CENPW: variants seen among roughly 807,000 people sequenced by gnomAD.
CENPW encodes cancer-up-regulated gene 2 protein.
Under a neutral mutation model 11.1 loss-of-function variants are expected in CENPW, and 3 were observed. That is an observed-to-expected ratio of 0.27 (90% confidence interval 0.12 to 0.70). CENPW has a LOEUF of 0.70. CENPW is among the 30% of genes least tolerant of loss of function. CENPW has a pLI of 0.77. For missense variants in CENPW, 100 were observed against 105.6 expected (o/e 0.95, Z 0.23); for synonymous variants, 38 against 42.0 (o/e 0.91, Z 0.37).
At chr6:126,369,551 T>C in the CENPW span, among the ~76,000 whole-genome samples, 3 of 152,222 alleles carry the variant, frequency 2.0e-5, no homozygotes, top group Non-Finnish European at 4.4e-5. Context: ...CATTGTTTCA[T>C]ATGTTTGTTG....
At chr6:126,373,115 G>A in the CENPW span, among the ~76,000 whole-genome samples, 86 of 152,184 alleles carry the variant, frequency 5.7e-4, no homozygotes, top group Admixed American at 4.3e-3. Flanking sequence ...GCATAATAAT[G>A]TTTCAGATTC....
chr6:126,420,059 G>T, the CENPW span, among the ~76,000 whole-genome samples: 1 of 152,154 alleles, frequency 6.6e-6, no homozygotes, highest in Non-Finnish European at 1.5e-5. Flanking sequence ...CATTGTTGAT[G>T]CCATAAAGAA....
chr6:126,391,958 T>A, the CENPW span, among the ~76,000 whole-genome samples: 1 of 151,992 alleles, frequency 6.6e-6, no homozygotes, highest in Non-Finnish European at 1.5e-5. Context: ...ATTCTAGGTC[T>A]TTTTGTGATT....
chr6:126,342,172 C>G (rs1780325973), intron 1 of CENPW, among the ~76,000 whole-genome samples: 1 of 152,080 alleles, frequency 6.6e-6, no homozygotes. Flanking sequence ...TAAACTACAC[C>G]TGAAAGTTAT....
intron 1 of CENPW, among the ~76,000 whole-genome samples, chr6:126,345,422 C>G (rs1388473001): frequency 4.0e-5 from 6 of 151,834 alleles, no homozygotes; most frequent in African/African-American, 1.5e-4. Context: ...GTTTACTACC[C>G]TTTTGTAAAC....
chr6:126,461,616 A>C, the CENPW span, among the ~76,000 whole-genome samples: 2 of 151,874 alleles, frequency 1.3e-5, no homozygotes, highest in Non-Finnish European at 2.9e-5. Context: ...TTAGCTAAAA[A>C]TTTTGATATG....
the CENPW span, among the ~76,000 whole-genome samples, chr6:126,400,054 G>GT: frequency 6.6e-6 from 1 of 151,894 alleles, no homozygotes; most frequent in Non-Finnish European, 1.5e-5. Context: ...AAATAAAACT[G>GT]TTATGAACAT....
At chr6:126,437,937 C>T in the CENPW span, among the ~76,000 whole-genome samples, 2 of 151,294 alleles carry the variant, frequency 1.3e-5, no homozygotes, top group Non-Finnish European at 3.0e-5. Flanking sequence ...GTATAGACTC[C>T]GTAAATAAAA....
At chr6:126,365,289 C>CTA in the CENPW span, among the ~76,000 whole-genome samples, 1 of 152,162 alleles carries the variant, frequency 6.6e-6, no homozygotes, top group Non-Finnish European at 1.5e-5. Flanking sequence ...TCTGTTGTCA[C>CTA]ATTACTGTAA....
the CENPW span, among the ~76,000 whole-genome samples, chr6:126,384,811 T>C: frequency 6.6e-6 from 1 of 152,000 alleles, no homozygotes; most frequent in Non-Finnish European, 1.5e-5. Context: ...CCAAAGAAAC[T>C]ATCAATAGAG....
chr6:126,466,318 A>G, the CENPW span, among the ~76,000 whole-genome samples: 1 of 152,144 alleles, frequency 6.6e-6, no homozygotes, highest in Admixed American at 6.6e-5. Flanking sequence ...ATAAAACTGA[A>G]GGCAAAGGAA....
the CENPW span, among the ~76,000 whole-genome samples, chr6:126,472,056 A>T: frequency 3.9e-5 from 6 of 152,220 alleles, no homozygotes; most frequent in Non-Finnish European, 7.3e-5. Flanking sequence ...AGATAATATG[A>T]TGAAACCTGT....
the CENPW span, among the ~76,000 whole-genome samples, chr6:126,415,732 C>T: frequency 1.4e-4 from 22 of 152,248 alleles, no homozygotes; most frequent in Non-Finnish European, 2.4e-4. Context: ...TCCCTGCATA[C>T]GCTCTATTCT....
At chr6:126,363,947 C>A in the CENPW span, among the ~76,000 whole-genome samples, 4 of 152,098 alleles carry the variant, frequency 2.6e-5, no homozygotes, top group Non-Finnish European at 5.9e-5. Flanking sequence ...CCAAAGGGGA[C>A]CTTCTCAAAT....
At chr6:126,432,086 A>AT in the CENPW span, among the ~76,000 whole-genome samples, 1 of 151,572 alleles carries the variant, frequency 6.6e-6, no homozygotes, top group Non-Finnish European at 1.5e-5. Context: ...AAAAAAAAAA[A>AT]AAAAAGAGGG....
the CENPW span, among the ~76,000 whole-genome samples, chr6:126,445,337 G>T: frequency 1.3e-5 from 2 of 151,022 alleles, no homozygotes; most frequent in African/African-American, 2.4e-5. Context: ...ATAAAATTTT[G>T]TTTTGTCATT....
chr6:126,357,364 A>G, the CENPW span, among the ~76,000 whole-genome samples: 1 of 152,098 alleles, frequency 6.6e-6, no homozygotes, highest in Non-Finnish European at 1.5e-5. Context: ...ACGTGGTATG[A>G]TGCTTCCAGC....
chr6:126,446,366 C>T, the CENPW span, among the ~76,000 whole-genome samples: 2 of 143,278 alleles, frequency 1.4e-5, no homozygotes, highest in African/African-American at 5.6e-5. Context: ...GGCCCCCCCA[C>T]AAGAAAAAAA....
chr6:126,403,244 G>C, the CENPW span, among the ~76,000 whole-genome samples: 1 of 152,080 alleles, frequency 6.6e-6, no homozygotes, highest in East Asian at 1.9e-4. Context: ...TCAGTGGGCT[G>C]TAAGTATTTA....
Sources: gnomAD v4.1 joint callset for allele counts (sites outside exome capture counted in the v4.1 genomes callset) on GRCh38, gnomAD v4.1.1 for gene constraint, MANE v1.5 for transcripts, NCBI Gene and HGNC (gene_info 2026-07-23, HGNC 2026-07-21) for gene names.